Variants in SSH1 observed in about 807,000 individuals in gnomAD.
SSH1 encodes slingshot protein phosphatase 1, also known as protein phosphatase Slingshot homolog 1.
Under a neutral mutation model 79.7 loss-of-function variants are expected in SSH1, and 43 were observed. That is an observed-to-expected ratio of 0.54 (90% CI 0.42 to 0.70). The LOEUF is 0.70. Ranked by LOEUF, SSH1 falls within the 30% of genes least tolerant of loss-of-function variation. The pLI is 0.00. For missense variants in SSH1, 1,206 were observed against 1,358.8 expected (o/e 0.89, Z 1.77); for synonymous variants, 599 against 538.3 (o/e 1.11, Z -1.56).
chr12:108,796,849 TCTC>T (rs1001570528), intron 13 of SSH1, among the ~76,000 whole-genome samples: 6 of 151,744 alleles, frequency 4.0e-5, no homozygotes, highest in African/African-American at 1.2e-4. Flanking sequence ...TTCAAGCAAT[TCTC>T]CTGCCTCAGC....
chr12:108,807,910 C>T lies in SSH1; in HGVS notation c.537-83G>A, dbSNP rs1042950466. ...CTCCTCTGACAAAGGGGTTCAAATA[C>T]GGGAAGGGAAGGGCAATGATTGATT... is the stretch of plus-strand genomic sequence containing the variant. On this transcript the variant is annotated intron_variant, in intron 7 of 14. Coordinates refer to ENST00000326495, the MANE Select transcript of SSH1 (RefSeq NM_018984.4). The surrounding 1 kb of genome is among the most constrained non-coding windows in gnomAD (Gnocchi z 5.2). 12 of 1,259,008 alleles carry T rather than the reference C, an allele frequency of 9.5e-6. No homozygotes were observed. Among genetic ancestry groups the T allele is most frequent in the Non-Finnish European group, 1.3e-5 (11 of 871,096 alleles). The allele number at this position is 1,259,008 out of a possible 1,614,324, so 78.0% of individuals were successfully genotyped here.
intron 13 of SSH1, among the ~76,000 whole-genome samples, chr12:108,796,632 A>G (rs547720556): frequency 6.6e-6 from 1 of 152,252 alleles, no homozygotes; most frequent in South Asian, 2.1e-4. Flanking sequence ...CTTTTTGGCT[A>G]TCGTGGATAA....
intron 2 of SSH1, among the ~76,000 whole-genome samples, chr12:108,848,841 G>A (rs2038957386): frequency 6.6e-6 from 1 of 151,936 alleles, no homozygotes; most frequent in African/African-American, 2.4e-5. Context: ...CAATGGTGTT[G>A]GGGACCTGCT....
At chr12:108,852,610 T>G (rs1297952330) in intron 2 of SSH1, 28 bp downstream of exon 2, 1 of 1,613,516 alleles carries the variant, frequency 6.2e-7, no homozygotes, top group Non-Finnish European at 8.5e-7. Context: ...GAGAAAGACT[T>G]AGGAACAAGA....
At position 108,792,443 on chromosome 12, in the gene SSH1, C is replaced by T. The variant is rs1165661817; in HGVS notation, c.1736G>A (p.Gly579Asp). The stretch of plus-strand genomic sequence containing the variant: ...CACCTGCAGCAAGGAGCCGCTCCGA[C>T]CTTTGGGACTCCCAAACTCTAGTTT... ...KKKLEFGSPK[G>D]RSGSLLQVEE... The change falls in exon 14 of 15, where the codon GGT becomes GAT. Residue 579 changes from glycine to aspartate, a missense_variant. Coordinates refer to ENST00000326495, the MANE Select transcript of SSH1 (RefSeq NM_018984.4). The T allele has an allele frequency of 8.7e-6, 14 of 1,614,086 alleles. No homozygotes were observed. Among genetic ancestry groups the T allele is most frequent in the Non-Finnish European group, 1.1e-5 (13 of 1,180,046 alleles).
At chr12:108,831,267 C>A (rs2038466629) in intron 2 of SSH1, among the ~76,000 whole-genome samples, 1 of 152,148 alleles carries the variant, frequency 6.6e-6, no homozygotes, top group African/African-American at 2.4e-5. Context: ...ACTGAGGGGA[C>A]TGTCAATTGT....
chr12:108,810,014 G>A (rs1350927707), intron 6 of SSH1, among the ~76,000 whole-genome samples: 1 of 152,094 alleles, frequency 6.6e-6, no homozygotes, highest in Admixed American at 6.5e-5. Flanking sequence ...CCCTAGCAAA[G>A]GGTGCCAGGT....
chr12:108,822,231 T>G (rs2038148314), intron 3 of SSH1, among the ~76,000 whole-genome samples: 1 of 152,118 alleles, frequency 6.6e-6, no homozygotes, highest in Non-Finnish European at 1.5e-5. Context: ...CCTCCTGGGC[T>G]CAAGCAATCC....
intron 8 of SSH1, among the ~76,000 whole-genome samples, 180 bp from the exon 9 acceptor site, chr12:108,806,574 A>G (rs1286402748): frequency 2.0e-5 from 3 of 152,202 alleles, no homozygotes; most frequent in African/African-American, 7.2e-5. Flanking sequence ...CTGCAGCTCT[A>G]GAACTCCCAC....
intron 3 of SSH1, among the ~76,000 whole-genome samples, chr12:108,821,975 A>T (rs907172993): frequency 2.6e-5 from 4 of 152,246 alleles, no homozygotes; most frequent in African/African-American, 4.8e-5. Context: ...CAGACATTCA[A>T]TTATGCACTG....
chr12:108,788,978 G>A lies in SSH1; in HGVS notation c.2160C>T (p.Ser720=), dbSNP rs1234118829. 1.9e-6 allele frequency: 3 copies of A among 1,612,060 alleles called. No homozygotes were observed. The highest frequency in any genetic ancestry group is 2.5e-6 in the Non-Finnish European group (3 of 1,178,822). The change falls in exon 15 of 15, where the codon TCC becomes TCT. Residue 720 remains serine, a synonymous_variant. Transcript: ENST00000326495. The stretch of plus-strand genomic sequence containing the variant: ...CAGGGCCACTGGTGTCTGCCCTCCT[G>A]GAGCCTGCTGGTGGTAGGAACGGGG... ...EPPPFLPPAG[S]RRADTSGPGA...
Position 108,784,718 on chromosome 12 carries a change from G to C in SSH1, c.*3270C>G, listed in dbSNP as rs1565958822. 2 of 152,154 alleles carry C rather than the reference G, an allele frequency of 1.3e-5. No homozygotes were observed. The highest frequency in any genetic ancestry group is 4.8e-5 in the African/African-American group (2 of 41,436). 9.4% of individuals were successfully genotyped at this position (152,154 alleles called of 1,614,324 possible). ...CAAGACTTAAAGAGAAGACTTTCCT[G>C]TATCAATGCAAGGTGAAGATGTAGA... On this transcript the variant is annotated 3_prime_UTR_variant, in exon 15 of 15. Transcript: ENST00000326495.
intron 2 of SSH1, among the ~76,000 whole-genome samples, chr12:108,848,967 C>A (rs141662522): frequency 6.6e-6 from 1 of 152,244 alleles, no homozygotes; most frequent in East Asian, 1.9e-4. Flanking sequence ...TGCTAATCCA[C>A]CCCAGTGGAC....
At chr12:108,856,557 T>A (rs1180249248) in intron 1 of SSH1, among the ~76,000 whole-genome samples, 1 of 152,082 alleles carries the variant, frequency 6.6e-6, no homozygotes, top group East Asian at 1.9e-4. Context: ...AAAGCCAGAC[T>A]AAGGCTGCAC....
intron 13 of SSH1, among the ~76,000 whole-genome samples, chr12:108,794,837 T>C (rs1180259532): frequency 6.7e-6 from 1 of 149,016 alleles, no homozygotes; most frequent in Admixed American, 6.7e-5. Flanking sequence ...CAATGTAAAT[T>C]GCCCACTATC....
chr12:108,799,253 A>G, intron 12 of SSH1, 53 bp from the exon 13 acceptor site: 1 of 1,486,546 alleles, frequency 6.7e-7, no homozygotes, highest in Non-Finnish European at 9.2e-7. Flanking sequence ...GCAGTGGGGA[A>G]GGAGTTAAAA....
chr12:108,821,926 CCTG>C lies in SSH1; in HGVS notation c.214+1329_214+1331del, dbSNP rs753029092. 2.6e-5 allele frequency among the ~76,000 whole-genome samples: 4 copies of C among 152,310 alleles called. No homozygotes were observed. In the East Asian group the frequency reaches 7.7e-4, roughly 29 times the overall value. On this transcript the variant is annotated intron_variant, in intron 3 of 14. Coordinates refer to ENST00000326495, the MANE Select transcript of SSH1 (RefSeq NM_018984.4). ...TGGCCACAATAGCTGGTTGGTTTCA[CCTG>C]CTGCTGTTCTGAAAGGTAAAGGCCT...
At chr12:108,814,449 G>A (rs994904895) in intron 5 of SSH1, among the ~76,000 whole-genome samples, 2 of 151,992 alleles carry the variant, frequency 1.3e-5, no homozygotes, top group Non-Finnish European at 2.9e-5. Context: ...GGCTTCTGGC[G>A]GGGACCTGGA....
rs189789484 is a variant in SSH1, at chr12:108,820,078, A to G, written c.215-1765T>C. 9.5e-4 allele frequency among the ~76,000 whole-genome samples: 144 copies of G among 151,840 alleles called. 1 individual carries two copies. The highest frequency in any genetic ancestry group is 3.3e-3 in the African/African-American group (137 of 41,384). On this transcript the variant is annotated intron_variant, in intron 3 of 14. Coordinates refer to ENST00000326495, the MANE Select transcript of SSH1 (RefSeq NM_018984.4). ...TTTTCAATAGAGACAGGGTTTTGCC[A>G]TGTTGCCCAGGCTGGTCTCGAACTC...
Sources: gnomAD v4.1 joint callset for allele counts (sites outside exome capture counted in the v4.1 genomes callset) on GRCh38, gnomAD v4.1.1 for gene constraint, Gnocchi (gnomAD v3.1) non-coding constraint, MANE v1.5 for transcripts, NCBI Gene and HGNC (gene_info 2026-07-23, HGNC 2026-07-21) for gene names.